The following PHGDH variants were observed in gnomAD, a reference collection of about 807,000 sequenced individuals.
The protein encoded by PHGDH is phosphoglycerate dehydrogenase.
Under a neutral mutation model 52.6 loss-of-function variants are expected in PHGDH, and 50 were observed. That is an observed-to-expected ratio of 0.95 (90% CI 0.76 to 1.20). The LOEUF (loss-of-function observed/expected upper bound fraction) is 1.20, where lower values mean the gene tolerates loss of function less well. Ranked by LOEUF, PHGDH falls within the 50% of genes most tolerant of loss-of-function variation. The probability of loss-of-function intolerance (pLI) is 0.00; values close to 1 mark genes in which losing one functional copy is unlikely to be tolerated. For synonymous variants in PHGDH, 271 were observed against 280.5 expected (o/e 0.97, Z 0.34); for missense variants, 630 against 684.6 (o/e 0.92, Z 0.89).
In PHGDH at chr1:119,726,736, A is replaced by G. The variant is rs940090972; in HGVS notation, c.357-115A>G. On this transcript the variant is annotated intron_variant, in intron 3 of 11. Coordinates refer to ENST00000641023, the MANE Select transcript of PHGDH (RefSeq NM_006623.4). The stretch of plus-strand genomic sequence containing the variant: ...TTCCTAAACCTGAACCCCCAGACCC[A>G]GTTCTTGGGGAAGTGGCTGTCATGG... 3.6e-6 allele frequency: 3 copies of G among 822,312 alleles called. No individual in the cohort carries two copies. In the African/African-American group the frequency reaches 5.0e-5, roughly 14 times the overall value. The allele number at this position is 822,312 out of a possible 1,614,324, so 50.9% of individuals were successfully genotyped here.
chr1:119,726,822 A>C, intron 3 of PHGDH, 29 bp from the exon 4 acceptor site: 4 of 1,605,250 alleles, frequency 2.5e-6, no homozygotes, highest in Non-Finnish European at 3.4e-6. Context: ...GTCCGAATGG[A>C]CCCTCTGAAC....
At position 119,743,945 on chromosome 1, in the gene PHGDH, G is replaced by C. The variant is rs777765398; in HGVS notation, c.1507G>C (p.Gly503Arg). The change falls in exon 12 of 12, where the codon GGG becomes CGG. Residue 503 changes from glycine (G) to arginine (R), a missense_variant. Gly to Arg is a moderately radical substitution (Grantham distance 125). Transcript: ENST00000641023. Reference protein sequence around the residue: ...LSYQTSLVSDGETWHVMGISS... With the variant: ...LSYQTSLVSDRETWHVMGISS... ...CTACCAGACTTCACTGGTGTCAGATGGGGAGACCTGGCACGTCATGGGCAT... is the reference window on the plus strand; with the variant it reads ...CTACCAGACTTCACTGGTGTCAGATCGGGAGACCTGGCACGTCATGGGCAT... 7 of 1,613,298 alleles carry C rather than the reference G, an allele frequency of 4.3e-6. No individual in the cohort carries two copies. The highest frequency in any genetic ancestry group is 5.1e-6 in the Non-Finnish European group (6 of 1,179,232).
intron 11 of PHGDH, among the ~76,000 whole-genome samples, chr1:119,743,370 G>A (rs1652299954): frequency 6.6e-6 from 1 of 152,192 alleles, no homozygotes; most frequent in African/African-American, 2.4e-5. Flanking sequence ...AGGAGCTCAG[G>A]GACATTGAGT....
At position 119,737,202 on chromosome 1, in the gene PHGDH, G is replaced by T; in HGVS notation, c.881G>T (p.Arg294Leu). ...LGASTKEAQS[R>L]CGEEIAVQFV... ...GCCAGCACCAAGGAGGCTCAGAGCC[G>T]CTGTGGGGAGGAAATTGCTGTTCAG... The change falls in exon 8 of 12, where the codon CGC becomes CTC. Residue 294 changes from arginine to leucine, a missense_variant. Coordinates refer to ENST00000641023, the MANE Select transcript of PHGDH (RefSeq NM_006623.4). The T allele has an allele frequency of 6.2e-7, 1 of 1,614,146 alleles. No homozygotes were observed. Among genetic ancestry groups the T allele is most frequent in the South Asian group, 1.1e-5 (1 of 91,072 alleles).
At position 119,744,013 on chromosome 1, in the gene PHGDH, G is replaced by T. The variant is rs587681898; in HGVS notation, c.1575G>T (p.Val525=). ...GCCTGGAAGCGTGGAAGCAGCATGT[G>T]ACTGAAGCCTTCCAGTTCCACTTCT... ...LPSLEAWKQH[V]TEAFQFHF The change falls in exon 12 of 12, where the codon GTG becomes GTT. Residue 525 remains valine (V), a synonymous_variant. Transcript: ENST00000641023. 1.1e-5 allele frequency: 17 copies of T among 1,614,212 alleles called. 1 individual carries two copies. The South Asian group carries it at 1.8e-4, about 17-fold the overall frequency.
chr1:119,732,355 T>C (rs1651732429), intron 5 of PHGDH, among the ~76,000 whole-genome samples: 1 of 152,196 alleles, frequency 6.6e-6, no homozygotes, highest in South Asian at 2.1e-4. Context: ...GGGCTGGGAT[T>C]GAGGTGAGGG....
intron 8 of PHGDH, among the ~76,000 whole-genome samples, chr1:119,738,433 C>T (rs1224931051): frequency 2.6e-5 from 4 of 152,214 alleles, no homozygotes; most frequent in African/African-American, 9.6e-5. Flanking sequence ...CAGCAGCATG[C>T]GAGGAGGTCA....
intron 3 of PHGDH, chr1:119,724,941 TC>T (rs912301207): frequency 8.8e-6 from 4 of 453,700 alleles, no homozygotes; most frequent in African/African-American, 8.3e-5. Context: ...ATCAGACTGT[TC>T]CTAGCAGGGA....
intron 3 of PHGDH, among the ~76,000 whole-genome samples, chr1:119,723,920 C>T (rs1405814635): frequency 6.6e-6 from 1 of 152,064 alleles, no homozygotes; most frequent in African/African-American, 2.4e-5. Flanking sequence ...TTATCTCTGT[C>T]ACTGCCCTTA....
chr1:119,730,810 G>A (rs1651658148), intron 5 of PHGDH, among the ~76,000 whole-genome samples: 1 of 152,174 alleles, frequency 6.6e-6, no homozygotes, highest in East Asian at 1.9e-4. Context: ...TGTGGAATGG[G>A]CCACCTCAGT....
rs587744834 is a variant in PHGDH at position 119,741,808 on chromosome 1, G to C, written c.1120G>C (p.Val374Leu). The C allele has an allele frequency of 1.2e-6, 2 of 1,613,312 alleles. No individual in the cohort carries two copies. The highest frequency in any genetic ancestry group is 4.5e-5 in the East Asian group (2 of 44,878). ...KNAGNCLSPA[V>L]IVGLLKEASK... ...TGCTGGGAACTGCCTAAGCCCCGCA[G>C]TCATTGTCGGCCTCCTGAAAGAGGC... is the stretch of plus-strand genomic sequence containing the variant. The change falls in exon 10 of 12, where the codon GTC becomes CTC. Residue 374 changes from valine (V) to leucine (L), a missense_variant. Coordinates refer to ENST00000641023, the MANE Select transcript of PHGDH (RefSeq NM_006623.4).
Position 119,743,460 on chromosome 1 carries a change from C to G in PHGDH, c.1447+416C>G, listed in dbSNP as rs587695860. On this transcript the variant is annotated intron_variant, in intron 11 of 11. Coordinates refer to ENST00000641023, the MANE Select transcript of PHGDH (RefSeq NM_006623.4). ...AGCTGCAGCAAAACCTACAAAGCCT[C>G]CAGCCATGGTAGGCGTCTTGGACCT... Among the ~76,000 whole-genome samples, 103 of 152,342 alleles carry G rather than the reference C, an allele frequency of 6.8e-4. 2 individuals are homozygous for G. The highest frequency in any genetic ancestry group is 2.0e-3 in the Admixed American group (30 of 15,306).
At chr1:119,738,042 T>TTA (rs1470202571) in intron 8 of PHGDH, among the ~76,000 whole-genome samples, 1 of 151,816 alleles carries the variant, frequency 6.6e-6, no homozygotes, top group African/African-American at 2.4e-5. Context: ...TTCTTTCTTG[T>TTA]TATTAAGGTT....
intron 6 of PHGDH, chr1:119,735,001 A>G (rs1651869048): frequency 1.9e-5 from 12 of 623,828 alleles, no homozygotes; most frequent in Non-Finnish European, 2.8e-6. Context: ...AGTGACCCCC[A>G]TGGATGCTTT....
chr1:119,716,429 A>G (rs998890923), intron 1 of PHGDH, among the ~76,000 whole-genome samples: 5 of 152,208 alleles, frequency 3.3e-5, no homozygotes, highest in Non-Finnish European at 7.4e-5. Context: ...GGCTACAAGA[A>G]TGGGTGGACT....
intron 1 of PHGDH, 36 bp downstream of exon 1, chr1:119,712,196 C>A: frequency 6.2e-7 from 1 of 1,600,050 alleles, no homozygotes; most frequent in Non-Finnish European, 8.5e-7. Flanking sequence ...GTCTCTAGGG[C>A]AACCTCCATG....
In PHGDH at chr1:119,726,950, G is replaced by A. The variant is rs1280385720; in HGVS notation, c.411+45G>A. 9 of 1,607,816 alleles carry A rather than the reference G, an allele frequency of 5.6e-6. No homozygotes were observed. The South Asian group carries it at 9.9e-5, about 18-fold the overall frequency. On this transcript the variant is annotated intron_variant, in intron 4 of 11. Transcript: ENST00000641023. ...CGCCCCACCTGGGCTCAGGGCCCGG[G>A]GTCCACTCATGTTGCTGACTTCAGC...
In PHGDH at chr1:119,742,953, C is replaced by T; in HGVS notation, c.1356C>T (p.Val452=). The change falls in exon 11 of 12, where the codon GTC becomes GTT. Residue 452 remains valine (V), a synonymous_variant. Coordinates refer to ENST00000641023, the MANE Select transcript of PHGDH (RefSeq NM_006623.4). ...TACTGCAGGGGCTCAATGGAGCTGTCTTCAGGCCAGAAGTGCCTCTCCGCA... is the reference window on the plus strand; with the variant it reads ...TACTGCAGGGGCTCAATGGAGCTGTTTTCAGGCCAGAAGTGCCTCTCCGCA... ...TPVLQGLNGA[V]FRPEVPLRRD... is the part of the protein sequence containing the mutation. 1 of 1,614,164 alleles carries T rather than the reference C, an allele frequency of 6.2e-7. No homozygotes were observed. The highest frequency in any genetic ancestry group is 8.5e-7 in the Non-Finnish European group (1 of 1,179,946).
intron 5 of PHGDH, among the ~76,000 whole-genome samples, chr1:119,728,265 G>A (rs952381278): frequency 6.6e-6 from 1 of 152,166 alleles, no homozygotes; most frequent in Non-Finnish European, 1.5e-5. Context: ...CACAGGGAGG[G>A]TGCTTGTGTC....
Sources: allele counts gnomAD v4.1 joint callset (sites outside exome capture counted in the v4.1 genomes callset), GRCh38; gene constraint gnomAD v4.1.1; transcripts MANE v1.5; gene names NCBI Gene and HGNC (gene_info 2026-07-23, HGNC 2026-07-21).